ARSB: variants seen among roughly 807,000 people sequenced by gnomAD.
ARSB encodes N-acetylgalactosamine-4-sulfatase.
Under a neutral mutation model 50.9 loss-of-function variants are expected in ARSB, and 41 were observed. That is an observed-to-expected ratio of 0.81 (90% CI 0.63 to 1.04). The LOEUF is 1.04. Ranked by LOEUF, ARSB falls within the 50% of genes least tolerant of loss-of-function variation. The pLI is 0.00. For missense variants in ARSB, 672 were observed against 693.3 expected (o/e 0.97, Z 0.35); for synonymous variants, 269 against 284.8 (o/e 0.94, Z 0.56).
chr5:78,937,348 T>G, intron 4 of ARSB, among the ~76,000 whole-genome samples: 1 of 133,314 alleles, frequency 7.5e-6, no homozygotes, highest in African/African-American at 2.8e-5. Flanking sequence ...GATATATATA[T>G]CATATATATG....
intron 1 of ARSB, 106 bp downstream of exon 1, chr5:78,984,831 C>G: frequency 1.0e-6 from 1 of 960,108 alleles, no homozygotes; most frequent in East Asian, 4.0e-5. Context: ...GTCGGCGGTC[C>G]GAGCCCCGCC....
chr5:78,864,070 G>C (rs977746849), intron 5 of ARSB, among the ~76,000 whole-genome samples: 1 of 151,832 alleles, frequency 6.6e-6, no homozygotes, highest in Non-Finnish European at 1.5e-5. Flanking sequence ...TTTAAACCCT[G>C]GGTGAAGTGA....
chr5:78,812,085 A>G (rs17219410), intron 6 of ARSB, among the ~76,000 whole-genome samples: 22,491 of 152,160 alleles, frequency 0.15, 1,881 homozygotes, highest in Admixed American at 0.25. Context: ...CAAGCAGGAA[A>G]GAGCACATCA....
At chr5:78,938,627 A>G (rs1341321493) in intron 4 of ARSB, among the ~76,000 whole-genome samples, 2 of 152,192 alleles carry the variant, frequency 1.3e-5, no homozygotes, top group African/African-American at 4.8e-5. Context: ...AATTTCTATA[A>G]TATTTTATAA....
At position 78,964,435 on chromosome 5, in the gene ARSB, G is replaced by C; in HGVS notation, c.671C>G (p.Thr224Ser). The change falls in exon 3 of 8, where the codon ACT (threonine) becomes AGT (serine). Residue 224 changes from threonine to serine, a missense_variant. Physicochemically the swap from Thr to Ser is moderately conservative, Grantham distance 58. Coordinates refer to ENST00000264914, the MANE Select transcript of ARSB (RefSeq NM_000046.5). ...IFTKRAIALI[T>S]NHPPEKPLFL... ...ACTTACCTTCTCTGGTGGATGGTTA[G>C]TTATGAGGGCTATAGCCCTTTTGGT... The C allele has an allele frequency of 6.2e-7, 1 of 1,614,014 alleles. No homozygotes were observed.
At chr5:78,840,682 T>G (rs562336502) in intron 5 of ARSB, among the ~76,000 whole-genome samples, 3 of 140,986 alleles carry the variant, frequency 2.1e-5, no homozygotes, top group Middle Eastern at 4.8e-3. Flanking sequence ...GATGTCATTG[T>G]CCCCCTCTAC....
rs577832497 is a variant in ARSB, at chr5:78,861,526, A to T, written c.1143-22100T>A. Reference sequence around the variant, plus strand: ...AACACAAAAACTGTATGATTATCTCAATAGATGCACAAAAGGCCTTCGACA... The same window carrying T: ...AACACAAAAACTGTATGATTATCTCTATAGATGCACAAAAGGCCTTCGACA... On this transcript the variant is annotated intron_variant, in intron 5 of 7. Transcript: ENST00000264914. Among the ~76,000 whole-genome samples, 17 of 152,342 alleles carry T rather than the reference A, an allele frequency of 1.1e-4. No homozygotes were observed. The East Asian group carries it at 3.3e-3, about 29-fold the overall frequency.
intron 4 of ARSB, among the ~76,000 whole-genome samples, chr5:78,886,896 C>T (rs538706626): frequency 6.6e-6 from 1 of 152,270 alleles, no homozygotes; most frequent in African/African-American, 2.4e-5. Flanking sequence ...CAAGATGCAT[C>T]TGGGAGGAAA....
intron 6 of ARSB, among the ~76,000 whole-genome samples, chr5:78,804,310 CA>C (rs1391608256): frequency 6.6e-6 from 1 of 152,006 alleles, no homozygotes; most frequent in African/African-American, 2.4e-5. Flanking sequence ...AAAACTGATT[CA>C]ATTCCCTTTT....
At chr5:78,811,034 A>G (rs1743789483) in intron 6 of ARSB, among the ~76,000 whole-genome samples, 1 of 152,224 alleles carries the variant, frequency 6.6e-6, no homozygotes, top group African/African-American at 2.4e-5. Flanking sequence ...CCAGAGCTGT[A>G]GGTGTGATGA....
Position 78,780,464 on chromosome 5 carries a change from A to C in ARSB, c.1535T>G (p.Val512Gly). ...GCGGGGGTCCTGTGCAGGGAAGTAC[A>C]CGGGGACTGAGTGTTTATGGTAGAA... is the stretch of plus-strand genomic sequence containing the variant. ...LQFYHKHSVP[V>G]YFPAQDPRCD... The change falls in exon 8 of 8, where the codon GTG becomes GGG. Residue 512 changes from valine (V) to glycine (G), a missense_variant. Transcript: ENST00000264914. 1 of 1,614,118 alleles carries C rather than the reference A, an allele frequency of 6.2e-7. No individual in the cohort carries two copies. The highest frequency in any genetic ancestry group is 8.5e-7 in the Non-Finnish European group (1 of 1,180,014).
intron 4 of ARSB, among the ~76,000 whole-genome samples, chr5:78,929,505 G>C (rs568164382): frequency 1.4e-4 from 22 of 151,832 alleles, no homozygotes; most frequent in Non-Finnish European, 3.1e-4. Context: ...TAAGAGAGGA[G>C]ACTGGCCCGG....
intron 5 of ARSB, among the ~76,000 whole-genome samples, chr5:78,853,965 C>T (rs1189918643): frequency 6.6e-6 from 1 of 152,238 alleles, no homozygotes; most frequent in Non-Finnish European, 1.5e-5. Flanking sequence ...CGTCTGTCAC[C>T]CCTTTCTTTG....
chr5:78,936,710 C>T (rs1432604945), intron 4 of ARSB, among the ~76,000 whole-genome samples: 1 of 152,150 alleles, frequency 6.6e-6, no homozygotes, highest in African/African-American at 2.4e-5. Context: ...GTTTGATAAG[C>T]CCTGCATAGG....
intron 1 of ARSB, among the ~76,000 whole-genome samples, chr5:78,981,503 T>A (rs991181486): frequency 6.6e-6 from 1 of 152,248 alleles, no homozygotes; most frequent in Non-Finnish European, 1.5e-5. Flanking sequence ...TTAATCTTTC[T>A]ACCAGTAGAT....
At chr5:78,881,208 G>C (rs1371447340) in intron 5 of ARSB, among the ~76,000 whole-genome samples, 2 of 151,856 alleles carry the variant, frequency 1.3e-5, no homozygotes, top group Admixed American at 6.6e-5. Flanking sequence ...CTCCAGTCTG[G>C]GTGACAGAGC....
At chr5:78,977,425 A>G (rs1752717088) in intron 1 of ARSB, among the ~76,000 whole-genome samples, 1 of 152,138 alleles carries the variant, frequency 6.6e-6, no homozygotes, top group Admixed American at 6.5e-5. Flanking sequence ...AAGTGCTGGG[A>G]TTACAGACGT....
intron 5 of ARSB, among the ~76,000 whole-genome samples, chr5:78,881,808 G>T (rs747304578): frequency 7.2e-5 from 11 of 152,196 alleles, no homozygotes; most frequent in Non-Finnish European, 1.5e-4. Context: ...TTGGCCCTCC[G>T]CAAGTTCACT....
At position 78,885,833 on chromosome 5, in the gene ARSB, A is replaced by G. The variant is rs1375411547; in HGVS notation, c.899-6T>C. On this transcript the variant is annotated splice_polypyrimidine_tract_variant and splice_region_variant and intron_variant, in intron 4 of 7. Transcript: ENST00000264914. ...CAAAGTCTGCCCTCCGTTATCTGAA[A>G]CACAGTAAGGTCTTGGCATGAGGAT... 8.1e-6 allele frequency: 13 copies of G among 1,614,214 alleles called. No homozygotes were observed. The highest frequency in any genetic ancestry group is 1.1e-5 in the Non-Finnish European group (13 of 1,180,028).
Sources: allele counts gnomAD v4.1 joint callset (sites outside exome capture counted in the v4.1 genomes callset), GRCh38; gene constraint gnomAD v4.1.1; transcripts MANE v1.5; gene names NCBI Gene and HGNC (gene_info 2026-07-23, HGNC 2026-07-21).